AGBL2: variants seen among roughly 807,000 people sequenced by gnomAD.
AGBL2 encodes the protein cytosolic carboxypeptidase 2.
In AGBL2, 87 loss-of-function variants were observed where a neutral mutation model predicts 103.0. The observed-to-expected ratio is 0.84, with a 90% confidence interval of 0.71 to 1.01. The LOEUF is 1.01. Ranked by LOEUF, AGBL2 falls within the 50% of genes least tolerant of loss-of-function variation. AGBL2 has a pLI of 0.00. For synonymous variants in AGBL2, 335 were observed against 356.7 expected (o/e 0.94, Z 0.69); for missense variants, 904 against 1,023.5 (o/e 0.88, Z 1.59).
At chr11:47,679,711 G>C (rs1394792874) in intron 13 of AGBL2, among the ~76,000 whole-genome samples, 1 of 150,198 alleles carries the variant, frequency 6.7e-6, no homozygotes, top group Non-Finnish European at 1.5e-5. Context: ...GTGTGATCTC[G>C]ACTCAGTGCA....
chr11:47,711,363 G>A (rs1461327516), intron 3 of AGBL2, among the ~76,000 whole-genome samples: 2 of 152,012 alleles, frequency 1.3e-5, no homozygotes, highest in Non-Finnish European at 2.9e-5. Context: ...AGATTACCTG[G>A]GCAACTATTT....
At position 47,705,604 on chromosome 11, in the gene AGBL2, C is replaced by A; in HGVS notation, c.317G>T (p.Trp106Leu). ...AGGTTGCAGTGAGCTGAGGCCGCGCCACTGCATCCAGCCCAGGCAAGAGTG... is the reference window on the plus strand; with the variant it reads ...AGGTTGCAGTGAGCTGAGGCCGCGCAACTGCATCCAGCCCAGGCAAGAGTG... Reference protein sequence around the residue: ...DFHSCLGWMQWRGLSSLQPPP... With the variant: ...DFHSCLGWMQLRGLSSLQPPP... The change falls in exon 6 of 19, where the codon TGG (tryptophan) becomes TTG (leucine). Residue 106 changes from tryptophan to leucine, a missense_variant. Physicochemically the swap from Trp to Leu is moderately conservative, Grantham distance 61. Transcript: ENST00000525123. The A allele has an allele frequency of 2.0e-6, 1 of 510,610 alleles. No homozygotes were observed. The highest frequency in any genetic ancestry group is 3.5e-6 in the Non-Finnish European group (1 of 284,590). The allele number at this position is 510,610 out of a possible 1,614,324, so 31.6% of individuals were successfully genotyped here.
In AGBL2 at chr11:47,667,681, T is replaced by C. The variant is rs368783386; in HGVS notation, c.2230A>G (p.Lys744Glu). ...NIADELTQKK[K>E]MFKKKKKKSL... ...TTCTTTTTTTTCTTCTTAAACATCT[T>C]CTTTTTCTGAGTCAGCTATTCCAGA... Residue 744 changes from lysine (K) to glutamate (E), a missense_variant, in exon 16 of 19, where the codon AAG becomes GAG. Coordinates refer to ENST00000525123, the MANE Select transcript of AGBL2 (RefSeq NM_024783.4). The C allele has an allele frequency of 4.0e-5, 64 of 1,611,856 alleles. No homozygotes were observed. Among genetic ancestry groups the C allele is most frequent in the Non-Finnish European group, 5.3e-5 (63 of 1,179,734 alleles).
At chr11:47,667,822 T>C in intron 15 of AGBL2, 126 bp from the exon 16 acceptor site, 1 of 1,093,928 alleles carries the variant, frequency 9.1e-7, no homozygotes, top group Non-Finnish European at 1.3e-6. Flanking sequence ...TGGTGTTGGT[T>C]TGGAGAATAA....
At chr11:47,673,161 C>T (rs1291114279) in intron 14 of AGBL2, among the ~76,000 whole-genome samples, 2 of 152,164 alleles carry the variant, frequency 1.3e-5, no homozygotes, top group Admixed American at 6.6e-5. Context: ...CTTTGCAGAA[C>T]CTATCTCCTA....
rs190755512 is a variant in AGBL2 at position 47,700,357 on chromosome 11, T to A, written c.587-804A>T. On this transcript the variant is annotated intron_variant, in intron 7 of 18. Transcript: ENST00000525123. The stretch of plus-strand genomic sequence containing the variant: ...ACTTTGGGAGGACAAGGTGGGTAGA[T>A]TACCTGAGGTCGGGAGTTCGAGACC... Among the ~76,000 whole-genome samples, 83 of 152,152 alleles carry A rather than the reference T, an allele frequency of 5.5e-4. 1 individual carries two copies. The East Asian group carries it at 0.011, about 21-fold the overall frequency.
intron 8 of AGBL2, among the ~76,000 whole-genome samples, chr11:47,693,481 T>C (rs1442292869): frequency 1.3e-5 from 2 of 152,150 alleles, no homozygotes; most frequent in African/African-American, 4.8e-5. Context: ...ATAGAGGCCA[T>C]TCTTTCTCCA....
chr11:47,668,771 A>G, intron 15 of AGBL2, 70 bp downstream of exon 15: 1 of 1,241,454 alleles, frequency 8.1e-7, no homozygotes, highest in Non-Finnish European at 1.2e-6. Flanking sequence ...GAAAATTCCA[A>G]CAAATTGTCT....
chr11:47,689,952 T>C, intron 10 of AGBL2, 124 bp downstream of exon 10: 1 of 792,388 alleles, frequency 1.3e-6, no homozygotes, highest in Non-Finnish European at 1.9e-6. Context: ...TGGTAAGGGC[T>C]CTGTCTCCAA....
chr11:47,696,012 AAAAAAAAAAAAAAAAAAAAAAAAAG>A (rs1378322358), intron 8 of AGBL2, among the ~76,000 whole-genome samples: 1 of 23,194 alleles, frequency 4.3e-5, no homozygotes, highest in African/African-American at 1.9e-4. Context: ...TAAAAATACA[AAAAAAAAAAAAAAAAAAAAAAAAAG>A]AAAAAAAAAA....
At chr11:47,707,511 G>C (rs146420170) in intron 4 of AGBL2, among the ~76,000 whole-genome samples, 3 of 152,226 alleles carry the variant, frequency 2.0e-5, no homozygotes, top group Non-Finnish European at 4.4e-5. Context: ...ATCTGATCTC[G>C]TGAGACTTAT....
intron 14 of AGBL2, among the ~76,000 whole-genome samples, chr11:47,674,304 G>A (rs1455397892): frequency 6.6e-6 from 1 of 152,088 alleles, no homozygotes; most frequent in Admixed American, 6.6e-5. Context: ...GCTCACGCCT[G>A]TAATCCCAGC....
chr11:47,698,567 A>C (rs574868832), intron 8 of AGBL2, among the ~76,000 whole-genome samples: 30 of 152,298 alleles, frequency 2.0e-4, no homozygotes, highest in African/African-American at 7.2e-4. Flanking sequence ...TAGGTAATTG[A>C]TAAGAAGCCT....
intron 7 of AGBL2, 24 bp downstream of exon 7, chr11:47,704,519 A>T: frequency 6.4e-7 from 1 of 1,563,266 alleles, no homozygotes; most frequent in Non-Finnish European, 8.7e-7. Flanking sequence ...GAATAGCAAG[A>T]CCACTGTGAG....
chr11:47,713,840 C>T (rs1280208785), intron 3 of AGBL2, among the ~76,000 whole-genome samples: 2 of 151,956 alleles, frequency 1.3e-5, no homozygotes, highest in African/African-American at 2.4e-5. Flanking sequence ...CCACCCGTCT[C>T]GGCCTCCCAA....
chr11:47,680,099 C>T (rs1334754433), intron 12 of AGBL2, 26 bp from the exon 13 acceptor site: 3 of 1,323,326 alleles, frequency 2.3e-6, no homozygotes, highest in Non-Finnish European at 3.2e-6. Flanking sequence ...ACCCCGCAAA[C>T]ATTTCCAATT....
chr11:47,667,422 G>C lies in AGBL2; in HGVS notation c.2340+149C>G, dbSNP rs1283520590. On this transcript the variant is annotated intron_variant, in intron 16 of 18. Transcript: ENST00000525123. Reference sequence around the variant, plus strand: ...CTCGGAGATGTCCGGAGGGCCCCTGGAAGGGTTCTGATCGCAAAACAGAAA... The same window carrying C: ...CTCGGAGATGTCCGGAGGGCCCCTGCAAGGGTTCTGATCGCAAAACAGAAA... 4 of 988,388 alleles carry C rather than the reference G, an allele frequency of 4.0e-6. No homozygotes were observed. In the African/African-American group the frequency reaches 6.5e-5, roughly 16 times the overall value. 61.2% of individuals were successfully genotyped at this position (988,388 alleles called of 1,614,324 possible). A position where few individuals can be genotyped will look rare whatever the true frequency, so the allele number is the denominator to read the frequency against.
At chr11:47,664,968 A>T (rs1351648344) in intron 17 of AGBL2, among the ~76,000 whole-genome samples, 1 of 145,374 alleles carries the variant, frequency 6.9e-6, no homozygotes, top group East Asian at 2.0e-4. Flanking sequence ...TGTAGCCTTG[A>T]CCTCTCGGGC....
chr11:47,671,529 AAAACAAACAAAC>A (rs58799566), intron 14 of AGBL2, among the ~76,000 whole-genome samples: 1 of 150,734 alleles, frequency 6.6e-6, no homozygotes, highest in Admixed American at 6.6e-5. Flanking sequence ...CTCCATCTCA[AAAACAAACAAAC>A]AAACAAACAA....
Sources: gnomAD v4.1 joint callset for allele counts (sites outside exome capture counted in the v4.1 genomes callset) on GRCh38, gnomAD v4.1.1 for gene constraint, MANE v1.5 for transcripts, NCBI Gene and HGNC (gene_info 2026-07-23, HGNC 2026-07-21) for gene names.